Variants in ZSWIM6 observed in about 807,000 individuals in gnomAD.
ZSWIM6 encodes zinc finger SWIM domain-containing protein 6.
In ZSWIM6, 9 loss-of-function variants were observed where a neutral mutation model predicts 113.2. The observed-to-expected ratio is 0.08, with a 90% CI of 0.05 to 0.14. The LOEUF (loss-of-function observed/expected upper bound fraction) is 0.14. Ranked by LOEUF, ZSWIM6 falls within the 10% of genes least tolerant of loss-of-function variation. ZSWIM6 has a pLI of 1.00. For missense variants in ZSWIM6, 1,162 were observed against 1,552.2 expected (o/e 0.75, Z 4.22); for synonymous variants, 611 against 606.5 (o/e 1.01, Z -0.11).
chr5:61,500,483 C>G (rs1748436633), intron 4 of ZSWIM6, among the ~76,000 whole-genome samples: 1 of 152,082 alleles, frequency 6.6e-6, no homozygotes, highest in African/African-American at 2.4e-5. Context: ...CTACTCGGAG[C>G]AGAGCAAGGT....
rs1388807486 is a variant in ZSWIM6 at position 61,543,703 on chromosome 5, A to G, written c.3034A>G (p.Thr1012Ala). The stretch of plus-strand genomic sequence containing the variant: ...TGAAAAGGATCACATAGCTTTTGAG[A>G]CGGCGTACCAAATTGTTCTCGACGC... ...LCEKDHIAFE[T>A]AYQIVLDAAT... The change falls in exon 14 of 14, where the codon ACG (threonine) becomes GCG (alanine). Residue 1012 changes from threonine (T) to alanine (A), a missense_variant. By Grantham distance (58) the Thr-to-Ala change is moderately conservative. Around this residue, in one of 4 missense-constraint regions of ZSWIM6, gnomAD observed 620 missense variants for 804.6 expected, o/e 0.77. Transcript: ENST00000252744. The surrounding 1 kb of genome is among the most constrained non-coding windows in gnomAD (Gnocchi z 4.3). 2 of 1,551,614 alleles carry G rather than the reference A, an allele frequency of 1.3e-6. No individual in the cohort carries two copies. Among genetic ancestry groups the G allele is most frequent in the African/African-American group, 1.4e-5 (1 of 73,144 alleles).
rs558085728 is a variant in ZSWIM6 at position 61,404,231 on chromosome 5, G to A, written c.677-68450G>A. Among the ~76,000 whole-genome samples, 14 of 152,174 alleles carry A rather than the reference G, an allele frequency of 9.2e-5. 1 individual carries two copies. In the East Asian group the frequency reaches 2.5e-3, roughly 27 times the overall value. ...CCGTATTAGCCAGGATGTTAAAAAAGTATTTTTTGTACCACCGGAAAACTT... is the reference window on the plus strand; with the variant it reads ...CCGTATTAGCCAGGATGTTAAAAAAATATTTTTTGTACCACCGGAAAACTT... On this transcript the variant is annotated intron_variant, in intron 1 of 13. Coordinates refer to ENST00000252744, the MANE Select transcript of ZSWIM6 (RefSeq NM_020928.2).
intron 5 of ZSWIM6, 78 bp from the exon 6 acceptor site, chr5:61,525,722 T>A: frequency 2.0e-6 from 3 of 1,499,590 alleles, no homozygotes; most frequent in Non-Finnish European, 2.7e-6. Context: ...CATGAACATC[T>A]GGCCACAGAA....
At chr5:61,473,439 A>G (rs927811656) in intron 2 of ZSWIM6, among the ~76,000 whole-genome samples, 2 of 152,204 alleles carry the variant, frequency 1.3e-5, no homozygotes, top group African/African-American at 2.4e-5. Context: ...GTTGCCTCAT[A>G]TTAGGAAAAT....
At chr5:61,519,338 C>T (rs918635359) in intron 4 of ZSWIM6, among the ~76,000 whole-genome samples, 2 of 152,126 alleles carry the variant, frequency 1.3e-5, no homozygotes, top group African/African-American at 4.8e-5. Context: ...CCTGTGCTTA[C>T]ACCAGCTCAA....
rs112891174 is a variant in ZSWIM6 at position 61,397,224 on chromosome 5, C to T, written c.676+64276C>T. The stretch of plus-strand genomic sequence containing the variant: ...TTCCTGTCCGCCAAAAACATTATCC[C>T]AGTTGTGTGTAATACTGTATATATA... On this transcript the variant is annotated intron_variant, in intron 1 of 13. Transcript: ENST00000252744. Among the ~76,000 whole-genome samples the T allele has an allele frequency of 1.9e-4, 29 of 152,288 alleles. 2 individuals carry two copies. The highest frequency in any genetic ancestry group is 7.0e-4 in the African/African-American group (29 of 41,548).
intron 4 of ZSWIM6, among the ~76,000 whole-genome samples, chr5:61,515,241 G>T (rs1748899993): frequency 6.6e-6 from 1 of 152,068 alleles, no homozygotes; most frequent in African/African-American, 2.4e-5. Context: ...CAATTCCCCT[G>T]TCTCAGCCTC....
intron 4 of ZSWIM6, among the ~76,000 whole-genome samples, chr5:61,497,027 T>C (rs986442420): frequency 2.0e-5 from 3 of 151,616 alleles, no homozygotes; most frequent in African/African-American, 7.3e-5. Flanking sequence ...CTGAAACTGT[T>C]AAATTAAATC....
chr5:61,443,763 C>A (rs925796726), intron 1 of ZSWIM6, among the ~76,000 whole-genome samples: 1 of 152,102 alleles, frequency 6.6e-6, no homozygotes, highest in Non-Finnish European at 1.5e-5. Context: ...CTCCTTCCTA[C>A]ATTTTTTCCC....
chr5:61,462,722 C>T (rs577971858), intron 1 of ZSWIM6, among the ~76,000 whole-genome samples: 2 of 152,298 alleles, frequency 1.3e-5, no homozygotes, highest in East Asian at 3.9e-4. Context: ...GGCAGGCATT[C>T]CATAAAAGGA....
intron 1 of ZSWIM6, among the ~76,000 whole-genome samples, chr5:61,452,629 T>A (rs1580003491): frequency 6.6e-6 from 1 of 152,168 alleles, no homozygotes; most frequent in African/African-American, 2.4e-5. Context: ...AGTTGCAAAA[T>A]AGCACAGAGA....
rs578113148 is a variant in ZSWIM6, at chr5:61,400,632, G to A, written c.676+67684G>A. ...TGGGCAGCTTATTTTTTTGACCCTT[G>A]GCAGTGCTTTATATTTTTTCTTTTG... On this transcript the variant is annotated intron_variant, in intron 1 of 13. Coordinates refer to ENST00000252744, the MANE Select transcript of ZSWIM6 (RefSeq NM_020928.2). 2.6e-5 allele frequency among the ~76,000 whole-genome samples: 4 copies of A among 152,122 alleles called. No individual in the cohort carries two copies. In the South Asian group the frequency reaches 8.3e-4, roughly 31 times the overall value.
intron 4 of ZSWIM6, among the ~76,000 whole-genome samples, chr5:61,517,716 A>T (rs867294522): frequency 1.3e-5 from 2 of 151,780 alleles, no homozygotes; most frequent in African/African-American, 2.4e-5. Context: ...ATATTGTATC[A>T]TGAGAGCCTG....
intron 9 of ZSWIM6, among the ~76,000 whole-genome samples, chr5:61,534,366 C>T (rs942364990): frequency 2.0e-5 from 3 of 152,014 alleles, no homozygotes; most frequent in Admixed American, 6.6e-5. Flanking sequence ...ATTAAAATAA[C>T]CTCCATTAAA....
chr5:61,460,804 A>G (rs1417016019), intron 1 of ZSWIM6, among the ~76,000 whole-genome samples: 1 of 152,018 alleles, frequency 6.6e-6, no homozygotes, highest in Non-Finnish European at 1.5e-5. Context: ...ACATCCTTTT[A>G]TGTAGCAGAC....
At chr5:61,488,955 TA>T (rs1437937301) in intron 2 of ZSWIM6, among the ~76,000 whole-genome samples, 1 of 152,050 alleles carries the variant, frequency 6.6e-6, no homozygotes. Context: ...CCACTTTGGA[TA>T]AGTTGTCATG....
intron 8 of ZSWIM6, 127 bp from the exon 9 acceptor site, chr5:61,531,338 T>C: frequency 8.6e-7 from 1 of 1,164,152 alleles, no homozygotes; most frequent in Non-Finnish European, 1.2e-6. Flanking sequence ...AAAAAACATG[T>C]TTTCTGGCTT....
intron 2 of ZSWIM6, among the ~76,000 whole-genome samples, chr5:61,482,718 CAG>C (rs1747906682): frequency 6.6e-6 from 1 of 152,192 alleles, no homozygotes; most frequent in South Asian, 2.1e-4. Context: ...ATCACATGAG[CAG>C]ATTTCTAATT....
In ZSWIM6 at chr5:61,454,887, G is replaced by GT. The variant is rs11325786; in HGVS notation, c.677-17779dup. Among the ~76,000 whole-genome samples, 676 of 138,258 alleles carry GT rather than the reference G, an allele frequency of 4.9e-3. 1 individual carries two copies. Among genetic ancestry groups the GT allele is most frequent in the South Asian group, 0.025 (108 of 4,342 alleles). The allele number at this position is 138,258 out of a possible 152,430, so 90.7% of individuals were successfully genotyped here. A position where few individuals can be genotyped will look rare whatever the true frequency, so the allele number is the denominator to read the frequency against. On this transcript the variant is annotated intron_variant, in intron 1 of 13. Coordinates refer to ENST00000252744, the MANE Select transcript of ZSWIM6 (RefSeq NM_020928.2). ...GCGTGAGCCACTGCCCCCAGTGAAG[G>GT]TTTTTTTTTTTTTTTGCACCTCCTT...
Sources: allele counts gnomAD v4.1 joint callset (sites outside exome capture counted in the v4.1 genomes callset), GRCh38; gene constraint gnomAD v4.1.1; regional missense constraint gnomAD v4.1.1; non-coding constraint Gnocchi (gnomAD v3.1); transcripts MANE v1.5; gene names NCBI Gene and HGNC (gene_info 2026-07-23, HGNC 2026-07-21).